SLC1A3: variants seen among roughly 807,000 people sequenced by gnomAD.
The protein encoded by SLC1A3 is solute carrier family 1 member 3.
SLC1A3 carries 21 observed loss-of-function variants against 48.1 expected under a neutral mutation model. That is an observed-to-expected ratio of 0.44 (90% CI 0.31 to 0.63). The LOEUF (loss-of-function observed/expected upper bound fraction) is 0.63, where lower values mean the gene tolerates loss of function less well. Among genes scored for constraint, SLC1A3 ranks in the 20% least tolerant of loss-of-function variants. The pLI is 0.08. For missense variants in SLC1A3, 546 were observed against 689.0 expected, an observed-to-expected ratio of 0.79 and a Z score of 2.32; for synonymous variants, 239 against 251.4, an observed-to-expected ratio of 0.95 and a Z score of 0.47.
chr5:36,687,138 T>A lies in SLC1A3; in HGVS notation c.*869T>A, dbSNP rs1224941407. ...GCCAGGCAGGAGGCCATTCCAGGAG[T>A]GGGATTATTCATCAAACTCTTTGCC... is the stretch of plus-strand genomic sequence containing the variant. On this transcript the variant is annotated 3_prime_UTR_variant, in exon 10 of 10. Coordinates refer to ENST00000265113, the MANE Select transcript of SLC1A3 (RefSeq NM_004172.5). The A allele has an allele frequency of 6.6e-6, 1 of 152,026 alleles. No homozygotes were observed. The highest frequency in any genetic ancestry group is 1.5e-5 in the Non-Finnish European group (1 of 68,032). 9.4% of individuals were successfully genotyped at this position (152,026 alleles called of 1,614,324 possible).
At chr5:36,597,190 A>G (rs972948809) in intron 1 of SLC1A3, among the ~76,000 whole-genome samples, 10 of 85,272 alleles carry the variant, frequency 1.2e-4, no homozygotes, top group African/African-American at 4.0e-4. Context: ...ATATAAACCT[A>G]TTTTTGATTT....
chr5:36,654,274 T>C (rs1044943293), intron 3 of SLC1A3, among the ~76,000 whole-genome samples: 7 of 152,080 alleles, frequency 4.6e-5, no homozygotes, highest in African/African-American at 1.7e-4. Context: ...ACTCTGTGAG[T>C]GGGATGAGCC....
chr5:36,604,010 G>A (rs967367258), upstream of SLC1A3, among the ~76,000 whole-genome samples: 2 of 152,142 alleles, frequency 1.3e-5, no homozygotes, highest in African/African-American at 2.4e-5. Flanking sequence ...GCTTATTACC[G>A]TAATCTCTTG....
At chr5:36,673,258 G>A (rs926752376) in intron 4 of SLC1A3, among the ~76,000 whole-genome samples, 1 of 152,112 alleles carries the variant, frequency 6.6e-6, no homozygotes, top group Non-Finnish European at 1.5e-5. Context: ...GATAACTGCT[G>A]GATCATTTCT....
chr5:36,683,476 A>G (rs990441199), intron 8 of SLC1A3, among the ~76,000 whole-genome samples: 3 of 152,082 alleles, frequency 2.0e-5, no homozygotes, highest in Non-Finnish European at 4.4e-5. Context: ...TGGGAGGCCA[A>G]GGTGGGTGGA....
chr5:36,648,592 C>T (rs2111836594), intron 3 of SLC1A3, among the ~76,000 whole-genome samples: 1 of 152,110 alleles, frequency 6.6e-6, no homozygotes, highest in East Asian at 1.9e-4. Flanking sequence ...GTAGGATAAC[C>T]CCCCTGGCCT....
At chr5:36,666,639 A>C (rs1383725517) in intron 3 of SLC1A3, among the ~76,000 whole-genome samples, 2 of 152,258 alleles carry the variant, frequency 1.3e-5, no homozygotes, top group Non-Finnish European at 2.9e-5. Context: ...TTTTCAGCAG[A>C]CAGGAGAATA....
At position 36,617,030 on chromosome 5, in the gene SLC1A3, T is replaced by C. The variant is rs189557755; in HGVS notation, c.181+8426T>C. 2.2e-3 allele frequency among the ~76,000 whole-genome samples: 332 copies of C among 152,320 alleles called. 2 individuals carry two copies. Among genetic ancestry groups the C allele is most frequent in the African/African-American group, 7.8e-3 (323 of 41,568 alleles). Reference sequence around the variant, plus strand: ...CTTTGCAGTGCTTTCCACGAGACGATGGGTGACGAGGAGCTTGTCATCTTT... The same window carrying C: ...CTTTGCAGTGCTTTCCACGAGACGACGGGTGACGAGGAGCTTGTCATCTTT... On this transcript the variant is annotated intron_variant, in intron 2 of 9. Coordinates refer to ENST00000265113, the MANE Select transcript of SLC1A3 (RefSeq NM_004172.5).
At chr5:36,613,674 G>C (rs1399984422) in intron 2 of SLC1A3, among the ~76,000 whole-genome samples, 2 of 152,162 alleles carry the variant, frequency 1.3e-5, no homozygotes, top group African/African-American at 4.8e-5. Context: ...TCTTGGAAAT[G>C]AGCAGGGAGA....
intron 3 of SLC1A3, among the ~76,000 whole-genome samples, chr5:36,632,964 C>G (rs575864800): frequency 1.1e-4 from 16 of 152,134 alleles, no homozygotes; most frequent in Non-Finnish European, 1.5e-4. Context: ...AGCCTAATGG[C>G]TAGATTTGTA....
intron 3 of SLC1A3, among the ~76,000 whole-genome samples, chr5:36,645,784 C>A (rs1740817432): frequency 6.6e-6 from 1 of 152,054 alleles, no homozygotes; most frequent in Non-Finnish European, 1.5e-5. Flanking sequence ...TTTTGGAGTC[C>A]TGTTATTTGA....
intron 3 of SLC1A3, among the ~76,000 whole-genome samples, chr5:36,632,745 A>G (rs1740184340): frequency 6.6e-6 from 1 of 152,266 alleles, no homozygotes; most frequent in African/African-American, 2.4e-5. Context: ...TCTAGAAAAC[A>G]TGCTATAAGT....
chr5:36,641,274 A>T (rs1006070090), intron 3 of SLC1A3, among the ~76,000 whole-genome samples: 2 of 152,194 alleles, frequency 1.3e-5, no homozygotes, highest in African/African-American at 4.8e-5. Flanking sequence ...AGTCCTTCCA[A>T]TTCTAAAATG....
chr5:36,651,707 T>C (rs7730373), intron 3 of SLC1A3, among the ~76,000 whole-genome samples: 122,231 of 151,818 alleles, frequency 0.81, 52,073 homozygotes, highest in Non-Finnish European at 0.94. Flanking sequence ...CCATTGCCAG[T>C]CTCCACCTCC....
chr5:36,627,250 T>C (rs1394433933), intron 2 of SLC1A3, among the ~76,000 whole-genome samples: 1 of 152,160 alleles, frequency 6.6e-6, no homozygotes, highest in Non-Finnish European at 1.5e-5. Context: ...GTCAACATCA[T>C]TAGATGTTAA....
intron 1 of SLC1A3, among the ~76,000 whole-genome samples, chr5:36,596,967 G>A (rs1285817906): frequency 6.6e-6 from 1 of 152,122 alleles, no homozygotes; most frequent in Non-Finnish European, 1.5e-5. Flanking sequence ...TGCCGCCTGG[G>A]GGTTGCTCCC....
chr5:36,641,218 G>A (rs1288398483), intron 3 of SLC1A3, among the ~76,000 whole-genome samples: 2 of 152,190 alleles, frequency 1.3e-5, no homozygotes, highest in East Asian at 3.8e-4. Flanking sequence ...GGCATAATGT[G>A]CATGTATGGG....
At position 36,679,721 on chromosome 5, in the gene SLC1A3, G is replaced by A. The variant is rs753136358; in HGVS notation, c.955G>A (p.Val319Met). Residue 319 changes from valine to methionine, a missense_variant, in exon 7 of 10, where the codon GTG (valine) becomes ATG (methionine). Around this residue, in one of 3 missense-constraint regions of SLC1A3, gnomAD observed 142 missense variants for 238.0 expected, o/e 0.60. Coordinates refer to ENST00000265113, the MANE Select transcript of SLC1A3 (RefSeq NM_004172.5). ...VIGGQLAMYTVTVIVGLLIHA... is the reference protein window; with the variant it reads ...VIGGQLAMYTMTVIVGLLIHA... ...TGGGGGGCAGCTTGCCATGTACACC[G>A]TGACTGTCATTGTTGGCTTACTCAT... 3.3e-5 allele frequency: 54 copies of A among 1,613,958 alleles called. No individual in the cohort carries two copies. In the East Asian group the frequency reaches 6.9e-4, roughly 21 times the overall value.
chr5:36,631,331 A>G (rs948779883), intron 3 of SLC1A3, among the ~76,000 whole-genome samples: 1 of 152,214 alleles, frequency 6.6e-6, no homozygotes, highest in Admixed American at 6.5e-5. Flanking sequence ...CCAGTTGATC[A>G]CCACCTTGAA....
Sources: gnomAD v4.1 joint callset for allele counts (sites outside exome capture counted in the v4.1 genomes callset) on GRCh38, gnomAD v4.1.1 for gene constraint, gnomAD v4.1.1 regional missense constraint, MANE v1.5 for transcripts, NCBI Gene and HGNC (gene_info 2026-07-23, HGNC 2026-07-21) for gene names.